The following CASQ2 variants were observed in gnomAD, a reference collection of about 807,000 sequenced individuals.
CASQ2 encodes calsequestrin 2.
A neutral mutation model predicts 46.5 loss-of-function variants in CASQ2; 49 were observed. That is an observed-to-expected ratio of 1.05 (90% CI 0.84 to 1.34). The LOEUF is 1.34. CASQ2 is among the 40% of genes most tolerant of loss of function. CASQ2 has a pLI of 0.00. For missense variants in CASQ2, 486 were observed against 481.3 expected (o/e 1.01, Z -0.09); for synonymous variants, 174 against 168.5 (o/e 1.03, Z -0.25).
At chr1:115,707,028 A>C (rs2101057972) in intron 8 of CASQ2, among the ~76,000 whole-genome samples, 1 of 143,766 alleles carries the variant, frequency 7.0e-6, no homozygotes, top group South Asian at 2.4e-4. Context: ...CTAGTGGAGA[A>C]ATAGTTCCTT....
intron 8 of CASQ2, among the ~76,000 whole-genome samples, chr1:115,716,552 C>T (rs1654706987): frequency 6.6e-6 from 1 of 152,190 alleles, no homozygotes; most frequent in African/African-American, 2.4e-5. Context: ...TGCACACACA[C>T]ACAAGCACAC....
intron 1 of CASQ2, among the ~76,000 whole-genome samples, chr1:115,756,976 A>C (rs142009920): frequency 8.1e-4 from 123 of 152,224 alleles, no homozygotes; most frequent in African/African-American, 2.8e-3. Context: ...ATAAAAAAAA[A>C]CTTATACCTT....
intron 10 of CASQ2, among the ~76,000 whole-genome samples, chr1:115,701,691 GGT>G (rs1654210648): frequency 2.0e-5 from 3 of 152,266 alleles, no homozygotes; most frequent in East Asian, 3.9e-4. Context: ...AACCACCAGT[GGT>G]TCCCTCCAGG....
At chr1:115,739,357 A>C (rs4839475) in intron 3 of CASQ2, among the ~76,000 whole-genome samples, 103,832 of 151,302 alleles carry the variant, frequency 0.69, 38,899 homozygotes, top group Non-Finnish European at 0.84. Context: ...CCTTGTGATC[A>C]GCCCACCTTG....
rs781778467 is a variant in CASQ2 at position 115,768,313 on chromosome 1, G to A, written c.229C>T (p.Leu77Phe). Residue 77 changes from leucine (L) to phenylalanine (F), a missense_variant, in exon 1 of 11, where the codon CTT becomes TTT. Physicochemically the swap from Leu to Phe is conservative, Grantham distance 22. Coordinates refer to ENST00000261448, the MANE Select transcript of CASQ2 (RefSeq NM_001232.4). The part of the protein sequence containing the change: ...QKQFQLKEIV[L>F]ELVAQVLEHK... Reference sequence around the variant, plus strand: ...CATGCCCTTTGGTTACTTACCTCAAGCACGATTTCTTTCAGTTGGAACTGT... The same window carrying A: ...CATGCCCTTTGGTTACTTACCTCAAACACGATTTCTTTCAGTTGGAACTGT... 8 of 1,608,996 alleles carry A rather than the reference G, an allele frequency of 5.0e-6. No homozygotes were observed. The Admixed American group carries it at 6.7e-5, about 13-fold the overall frequency.
intron 1 of CASQ2, among the ~76,000 whole-genome samples, chr1:115,761,472 G>GAAA (rs1648948249): frequency 3.1e-4 from 6 of 19,504 alleles, no homozygotes; most frequent in African/African-American, 9.7e-4. Context: ...AGGAGAAGAA[G>GAAA]AAGAAGAAGA....
At chr1:115,725,617 C>T in intron 6 of CASQ2, 64 bp from the exon 7 acceptor site, 1 of 1,530,376 alleles carries the variant, frequency 6.5e-7, no homozygotes, top group Non-Finnish European at 8.8e-7. Context: ...CTGTGGCAGA[C>T]ACAGCAGCCA....
chr1:115,762,733 C>G (rs1195418784), intron 1 of CASQ2, among the ~76,000 whole-genome samples: 1 of 152,164 alleles, frequency 6.6e-6, no homozygotes, highest in African/African-American at 2.4e-5. Context: ...CCTTTTCTTG[C>G]CTTCTTTTTC....
chr1:115,722,022 C>T (rs996339794), intron 7 of CASQ2, among the ~76,000 whole-genome samples: 1 of 152,148 alleles, frequency 6.6e-6, no homozygotes, highest in Admixed American at 6.5e-5. Flanking sequence ...AAAGTGGCTC[C>T]TCAGAGGTCC....
At chr1:115,729,998 C>A (rs1351601525) in intron 5 of CASQ2, among the ~76,000 whole-genome samples, 2 of 152,140 alleles carry the variant, frequency 1.3e-5, no homozygotes, top group Admixed American at 1.3e-4. Flanking sequence ...CAGAGTGGAA[C>A]CATCCTTGGC....
At chr1:115,708,577 GA>G (rs1322455168) in intron 8 of CASQ2, among the ~76,000 whole-genome samples, 1 of 152,236 alleles carries the variant, frequency 6.6e-6, no homozygotes, top group Non-Finnish European at 1.5e-5. Flanking sequence ...CAGAGATGAT[GA>G]AAATGATAGC....
intron 2 of CASQ2, 110 bp downstream of exon 2, chr1:115,744,718 A>G (rs1402903151): frequency 2.7e-6 from 2 of 749,488 alleles, no homozygotes; most frequent in Non-Finnish European, 4.8e-6. Flanking sequence ...ATCATTTTAT[A>G]TATTTTAAAA....
intron 7 of CASQ2, among the ~76,000 whole-genome samples, chr1:115,722,321 A>G (rs1247521837): frequency 2.0e-5 from 3 of 152,258 alleles, no homozygotes; most frequent in African/African-American, 7.2e-5. Context: ...ATTATTTTAT[A>G]TTATAGCAAA....
chr1:115,765,434 T>A (rs1344755651), intron 1 of CASQ2, among the ~76,000 whole-genome samples: 1 of 152,144 alleles, frequency 6.6e-6, no homozygotes, highest in Non-Finnish European at 1.5e-5. Flanking sequence ...TTAGAATGAA[T>A]GGGGTGGCCC....
At chr1:115,764,292 A>G (rs191760006) in intron 1 of CASQ2, among the ~76,000 whole-genome samples, 1 of 152,336 alleles carries the variant, frequency 6.6e-6, no homozygotes, top group Admixed American at 6.5e-5. Context: ...TGGTATTAAC[A>G]TTACTGTTTA....
chr1:115,758,308 T>C (rs1219956904), intron 1 of CASQ2, among the ~76,000 whole-genome samples: 1 of 152,258 alleles, frequency 6.6e-6, no homozygotes, highest in Non-Finnish European at 1.5e-5. Flanking sequence ...TAAAGCCCCA[T>C]ATTGGCATGG....
At chr1:115,747,897 T>C (rs530572907) in intron 1 of CASQ2, among the ~76,000 whole-genome samples, 62 of 152,358 alleles carry the variant, frequency 4.1e-4, no homozygotes, top group African/African-American at 1.5e-3. Flanking sequence ...TTTTGTCACC[T>C]GCTAATAATT....
At chr1:115,743,581 T>TA (rs977577703) in intron 2 of CASQ2, among the ~76,000 whole-genome samples, 14 of 152,140 alleles carry the variant, frequency 9.2e-5, no homozygotes, top group Middle Eastern at 3.4e-3. Context: ...ATCTTTTTTT[T>TA]AAAAAAAGAC....
At chr1:115,732,650 A>T (rs1364523386) in intron 5 of CASQ2, among the ~76,000 whole-genome samples, 1 of 152,182 alleles carries the variant, frequency 6.6e-6, no homozygotes, top group Non-Finnish European at 1.5e-5. Context: ...CTCAGTGTAT[A>T]AGAAGATAAT....
Sources: gnomAD v4.1 joint callset for allele counts (sites outside exome capture counted in the v4.1 genomes callset) on GRCh38, gnomAD v4.1.1 for gene constraint, MANE v1.5 for transcripts, NCBI Gene and HGNC (gene_info 2026-07-23, HGNC 2026-07-21) for gene names.